Variants in RYR3 observed in about 807,000 individuals in gnomAD.
RYR3 encodes the protein ryanodine receptor 3, also known as brain ryanodine receptor-calcium release channel.
In RYR3, 207 loss-of-function variants were observed where a neutral mutation model predicts 584.3. The observed-to-expected ratio is 0.35, with a 90% CI of 0.32 to 0.40. The LOEUF is 0.40. Ranked by LOEUF, RYR3 falls within the 10% of genes least tolerant of loss-of-function variation. RYR3 has a pLI of 1.00. For synonymous variants in RYR3, 2,416 were observed against 2,248.5 expected, an observed-to-expected ratio of 1.07 and a Z score of -2.11; for missense variants, 5,616 against 6,089.2, an observed-to-expected ratio of 0.92 and a Z score of 2.59.
chr15:33,750,269 T>C lies in RYR3; in HGVS notation c.8382T>C (p.Asn2794=), dbSNP rs1424805766. The C allele has an allele frequency of 6.2e-7, 1 of 1,611,084 alleles. No homozygotes were observed. The highest frequency in any genetic ancestry group is 8.5e-7 in the Non-Finnish European group (1 of 1,178,652). ...ACCTGTTTAAGTTCCTCCAAGTGAA[T>C]GGCATCATAGTTTCCAGGTAAGTCA... ...AQDLFKFLQV[N]GIIVSRGMKD... Residue 2794 remains asparagine, a synonymous_variant, in exon 57 of 104, where the codon AAT becomes AAC. Transcript: ENST00000634891.
chr15:33,648,445 T>C (rs551662463), intron 30 of RYR3, among the ~76,000 whole-genome samples: 24 of 152,330 alleles, frequency 1.6e-4, no homozygotes, highest in South Asian at 1.5e-3. Flanking sequence ...ATTGTTGTAA[T>C]ATAGTGATAA....
intron 27 of RYR3, among the ~76,000 whole-genome samples, chr15:33,642,113 T>A (rs1412869979): frequency 6.6e-6 from 1 of 152,202 alleles, no homozygotes; most frequent in African/African-American, 2.4e-5. Flanking sequence ...GAAGAGGAGC[T>A]CAACATCCTT....
At chr15:33,562,376 A>T (rs2057457488) in intron 10 of RYR3, among the ~76,000 whole-genome samples, 2 of 152,170 alleles carry the variant, frequency 1.3e-5, no homozygotes. Context: ...TTTATAAGAA[A>T]TTTTTACATG....
chr15:33,617,474 A>G (rs2060512289), intron 19 of RYR3, among the ~76,000 whole-genome samples: 1 of 152,154 alleles, frequency 6.6e-6, no homozygotes, highest in South Asian at 2.1e-4. Flanking sequence ...AATACTGTAG[A>G]TCACTTGCCT....
rs139382921 is a variant in RYR3 at position 33,572,319 on chromosome 15, C to T, written c.1268+5520C>T. Among the ~76,000 whole-genome samples the T allele has an allele frequency of 1.4e-3, 219 of 152,182 alleles. 1 individual carries two copies. The highest frequency in any genetic ancestry group is 5.1e-3 in the African/African-American group (211 of 41,514). On this transcript the variant is annotated intron_variant, in intron 12 of 103. Transcript: ENST00000634891. Reference sequence around the variant, plus strand: ...ACTGTTTGGTGTCATTTTCTTTCAGCCTGAAGGACTTCCCTTAGTATTTCT... The same window carrying T: ...ACTGTTTGGTGTCATTTTCTTTCAGTCTGAAGGACTTCCCTTAGTATTTCT...
rs767386258 is a variant in RYR3, at chr15:33,485,299, GAAAAT to G, written c.171+11765_171+11769del. 1.5e-4 allele frequency among the ~76,000 whole-genome samples: 23 copies of G among 152,268 alleles called. No individual in the cohort carries two copies. The South Asian group carries it at 4.6e-3, about 30-fold the overall frequency. On this transcript the variant is annotated intron_variant, in intron 2 of 103. Coordinates refer to ENST00000634891, the MANE Select transcript of RYR3 (RefSeq NM_001036.6). ...AACTTGAGCAATAAGAAGAAAGTAA[GAAAAT>G]AAAGACAACCAATGAGGCATCTCTG...
rs771915652 is a variant in RYR3 at position 33,812,956 on chromosome 15, G to A, written c.10351G>A (p.Val3451Met). ...CAATCCGGAAAAGACAGTGGAGCGT[G>A]TGCAGAGAATTTCAGCAGCTGTCTT... The part of the protein sequence containing the change: ...PFNPEKTVER[V>M]QRISAAVFHL... Residue 3451 changes from valine (V) to methionine (M), a missense_variant, in exon 73 of 104, where the codon GTG becomes ATG. Transcript: ENST00000634891. The A allele has an allele frequency of 1.9e-6, 3 of 1,614,030 alleles. No homozygotes were observed. Among genetic ancestry groups the A allele is most frequent in the Non-Finnish European group, 1.7e-6 (2 of 1,179,886 alleles).
At chr15:33,372,237 G>C (rs1221453579) in intron 1 of RYR3, among the ~76,000 whole-genome samples, 1 of 152,146 alleles carries the variant, frequency 6.6e-6, no homozygotes, top group African/African-American at 2.4e-5. Context: ...TGTTGCCCAG[G>C]CTGGAGTGCA....
chr15:33,413,425 G>C (rs1161827844), intron 1 of RYR3, among the ~76,000 whole-genome samples: 2 of 152,254 alleles, frequency 1.3e-5, no homozygotes, highest in East Asian at 1.9e-4. Context: ...TGTGACGAAA[G>C]GTGGGGAGAG....
chr15:33,453,718 T>C (rs184662347), intron 1 of RYR3, among the ~76,000 whole-genome samples: 1 of 152,218 alleles, frequency 6.6e-6, no homozygotes, highest in South Asian at 2.1e-4. Context: ...TTCCTGATTT[T>C]TCTATGGAAA....
intron 2 of RYR3, among the ~76,000 whole-genome samples, chr15:33,488,966 G>A (rs1237368335): frequency 6.6e-6 from 1 of 152,140 alleles, no homozygotes; most frequent in African/African-American, 2.4e-5. Flanking sequence ...ATGACCTTTT[G>A]TGTTGTATTT....
intron 2 of RYR3, among the ~76,000 whole-genome samples, chr15:33,500,006 CA>C (rs1272997613): frequency 3.9e-5 from 6 of 152,196 alleles, no homozygotes; most frequent in Admixed American, 1.3e-4. Flanking sequence ...TGTCTACAGC[CA>C]CAGCCATAAT....
intron 16 of RYR3, among the ~76,000 whole-genome samples, chr15:33,586,890 C>T (rs151081847): frequency 1.9e-3 from 288 of 152,176 alleles, no homozygotes; most frequent in African/African-American, 6.5e-3. Flanking sequence ...AGTGGCCAGA[C>T]GCGATATTCA....
intron 1 of RYR3, among the ~76,000 whole-genome samples, chr15:33,447,814 A>G (rs1011973193): frequency 1.3e-5 from 2 of 152,080 alleles, no homozygotes; most frequent in Admixed American, 6.6e-5. Context: ...TCTAAAGCCC[A>G]GCTCATAACT....
intron 1 of RYR3, among the ~76,000 whole-genome samples, chr15:33,460,564 A>C (rs573464663): frequency 6.6e-6 from 1 of 152,308 alleles, no homozygotes; most frequent in African/African-American, 2.4e-5. Flanking sequence ...TACTTACTAA[A>C]TTTGAAGCTT....
At chr15:33,407,180 C>T (rs538105989) in intron 1 of RYR3, among the ~76,000 whole-genome samples, 1 of 152,186 alleles carries the variant, frequency 6.6e-6, no homozygotes, top group Non-Finnish European at 1.5e-5. Context: ...AGGGCTTTGC[C>T]CTCATGGCTT....
At chr15:33,677,473 A>G (rs757582424) in intron 38 of RYR3, among the ~76,000 whole-genome samples, 119 of 152,212 alleles carry the variant, frequency 7.8e-4, no homozygotes, top group Non-Finnish European at 1.5e-4. Context: ...TTTCCCCACC[A>G]TCATCATCGG....
chr15:33,579,110 G>A (rs1228581390), intron 12 of RYR3, among the ~76,000 whole-genome samples: 1 of 152,116 alleles, frequency 6.6e-6, no homozygotes, highest in African/African-American at 2.4e-5. Context: ...GGTAACATGG[G>A]GTTGGGGAAC....
intron 1 of RYR3, among the ~76,000 whole-genome samples, chr15:33,386,891 T>A (rs969145350): frequency 1.3e-5 from 2 of 152,152 alleles, no homozygotes; most frequent in African/African-American, 4.8e-5. Flanking sequence ...AGAGTCTTGC[T>A]CTGTCGCCCG....
Sources: allele counts gnomAD v4.1 joint callset (sites outside exome capture counted in the v4.1 genomes callset), GRCh38; gene constraint gnomAD v4.1.1; transcripts MANE v1.5; gene names NCBI Gene and HGNC (gene_info 2026-07-23, HGNC 2026-07-21).